The following NXN variants were observed in gnomAD, a reference collection of about 807,000 sequenced individuals.
The protein encoded by NXN is nucleoredoxin 1.
Under a neutral mutation model 48.6 loss-of-function variants are expected in NXN, and 16 were observed. The observed-to-expected ratio is 0.33, with a 90% confidence interval of 0.22 to 0.50. The LOEUF (loss-of-function observed/expected upper bound fraction) is 0.50. Ranked by LOEUF, NXN falls within the 20% of genes least tolerant of loss-of-function variation. NXN has a pLI of 0.98. For missense variants in NXN, 492 were observed against 605.5 expected (o/e 0.81, Z 1.97); for synonymous variants, 281 against 269.6 (o/e 1.04, Z -0.41).
At chr17:915,133 A>G (rs1209271229) in intron 1 of NXN, among the ~76,000 whole-genome samples, 1 of 151,994 alleles carries the variant, frequency 6.6e-6, no homozygotes, top group Non-Finnish European at 1.5e-5. Flanking sequence ...ATGGGGTTTC[A>G]CCATATTGGC....
intron 1 of NXN, among the ~76,000 whole-genome samples, chr17:904,996 C>T (rs527980340): frequency 2.4e-4 from 36 of 152,290 alleles, no homozygotes; most frequent in African/African-American, 7.7e-4. Flanking sequence ...AGCGTGTGTG[C>T]CACATTCACA....
chr17:854,071 T>G (rs62068397), intron 1 of NXN, among the ~76,000 whole-genome samples: 3 of 152,066 alleles, frequency 2.0e-5, no homozygotes, highest in Admixed American at 6.6e-5. Flanking sequence ...GTCCCCCCAC[T>G]GGACTACAAA....
chr17:812,780 G>A (rs780715358), intron 5 of NXN, among the ~76,000 whole-genome samples: 4 of 131,776 alleles, frequency 3.0e-5, no homozygotes, highest in Non-Finnish European at 5.3e-5. Context: ...GTAGGTGTGT[G>A]CATGTGTGTA....
In NXN at chr17:822,136, G is replaced by A. The variant is rs188157344; in HGVS notation, c.713+221C>T. On this transcript the variant is annotated intron_variant, in intron 4 of 7. Coordinates refer to ENST00000336868, the MANE Select transcript of NXN (RefSeq NM_022463.5). ...TCCACTAAAAATACAAAAATTAGCC[G>A]GGCATGGTGGCGGGCACCTGTAATT... Among the ~76,000 whole-genome samples the A allele has an allele frequency of 2.8e-3, 425 of 151,926 alleles. 2 individuals carry two copies. Among genetic ancestry groups the A allele is most frequent in the Middle Eastern group, 6.8e-3 (2 of 294 alleles).
intron 1 of NXN, among the ~76,000 whole-genome samples, chr17:921,318 T>C (rs540552380): frequency 6.6e-6 from 1 of 152,196 alleles, no homozygotes; most frequent in South Asian, 2.1e-4. Flanking sequence ...AGCCTCCTCC[T>C]ACCCCGGCTC....
chr17:812,810 AGGT>A (rs1290380170), intron 5 of NXN, among the ~76,000 whole-genome samples: 6 of 123,852 alleles, frequency 4.8e-5, no homozygotes, highest in Admixed American at 3.1e-4. Context: ...GCGTGAGTGT[AGGT>A]GTGTGTGCGA....
chr17:941,943 C>T lies in NXN; in HGVS notation c.360+37376G>A, dbSNP rs1331510312. The stretch of plus-strand genomic sequence containing the variant: ...CCTGGATTTACAGCGAACAAGATTC[C>T]AGGGTGCAGCCATGAATTCACCAAA... On this transcript the variant is annotated intron_variant, in intron 1 of 7. Transcript: ENST00000336868. 2.4e-4 allele frequency among the ~76,000 whole-genome samples: 13 copies of T among 53,214 alleles called. 4 individuals carry two copies. Among genetic ancestry groups the T allele is most frequent in the African/African-American group, 3.6e-4 (4 of 11,256 alleles). The allele number at this position is 53,214 out of a possible 152,430, so 34.9% of individuals were successfully genotyped here.
At chr17:865,966 G>A (rs562529094) in intron 1 of NXN, among the ~76,000 whole-genome samples, 88 of 151,988 alleles carry the variant, frequency 5.8e-4, no homozygotes, top group Non-Finnish European at 1.0e-3. Context: ...CTGGGCGACA[G>A]AGCAAGACTC....
At chr17:902,457 G>A (rs2068546411) in intron 1 of NXN, among the ~76,000 whole-genome samples, 1 of 152,152 alleles carries the variant, frequency 6.6e-6, no homozygotes, top group Non-Finnish European at 1.5e-5. Context: ...GAAGGCAGTG[G>A]AGAGAAAAAG....
intron 1 of NXN, among the ~76,000 whole-genome samples, chr17:887,264 G>A (rs1245307865): frequency 6.6e-6 from 1 of 152,126 alleles, no homozygotes; most frequent in East Asian, 1.9e-4. Context: ...CTAGCTGACC[G>A]GCCAGTCCTC....
In NXN at chr17:958,639, C is replaced by T. The variant is rs972695925; in HGVS notation, c.360+20680G>A. On this transcript the variant is annotated intron_variant, in intron 1 of 7. Transcript: ENST00000336868. The surrounding 1 kb of genome is among the most constrained non-coding windows in gnomAD (Gnocchi z 6.9). ...TACAAAAATTAGCCAGGCGTGGTGG[C>T]GTGCGCCTGTAGTCCCAGCTACTCA... 4.6e-5 allele frequency among the ~76,000 whole-genome samples: 7 copies of T among 152,148 alleles called. No homozygotes were observed. Among genetic ancestry groups the T allele is most frequent in the African/African-American group, 1.4e-4 (6 of 41,492 alleles).
chr17:823,955 G>C (rs996258107), intron 2 of NXN, among the ~76,000 whole-genome samples, 190 bp from the exon 3 acceptor site: 1 of 151,716 alleles, frequency 6.6e-6, no homozygotes, highest in African/African-American at 2.4e-5. Flanking sequence ...GCTAACACAG[G>C]AATCAAACTA....
chr17:819,234 C>T (rs958129174), intron 5 of NXN: 10 of 583,500 alleles, frequency 1.7e-5, no homozygotes, highest in Non-Finnish European at 3.1e-5. Flanking sequence ...GTGTGAGCTG[C>T]CATGCCCGGC....
intron 1 of NXN, among the ~76,000 whole-genome samples, chr17:835,765 G>A (rs1282621409): frequency 4.0e-4 from 27 of 67,550 alleles, no homozygotes; most frequent in African/African-American, 1.5e-3. Context: ...CACAGAGGCC[G>A]CAGGGGAAAA....
chr17:815,917 C>T (rs946895211), intron 5 of NXN, among the ~76,000 whole-genome samples: 12 of 152,144 alleles, frequency 7.9e-5, no homozygotes, highest in African/African-American at 2.2e-4. Context: ...TGAATGTGAC[C>T]GGCGGGCCTT....
At chr17:926,254 A>G (rs1482403144) in intron 1 of NXN, among the ~76,000 whole-genome samples, 1 of 152,038 alleles carries the variant, frequency 6.6e-6, no homozygotes, top group Non-Finnish European at 1.5e-5. Flanking sequence ...GGCACCGTCA[A>G]TGGCTCACTG....
At chr17:959,322 C>G (rs1169480372) in intron 1 of NXN, 1 of 267,780 alleles carries the variant, frequency 3.7e-6, no homozygotes, top group African/African-American at 2.2e-5. Flanking sequence ...CCCTCCCAGG[C>G]CCGCGACACT....
intron 5 of NXN, among the ~76,000 whole-genome samples, chr17:811,598 T>A (rs1461033237): frequency 6.6e-6 from 1 of 151,880 alleles, no homozygotes; most frequent in African/African-American, 2.4e-5. Flanking sequence ...GTGAGCCCAG[T>A]GGTCCTGTGG....
At chr17:843,822 C>A (rs1317121373) in intron 1 of NXN, among the ~76,000 whole-genome samples, 5 of 152,164 alleles carry the variant, frequency 3.3e-5, no homozygotes, top group African/African-American at 7.2e-5. Context: ...GGGAGATGGG[C>A]CATCACACGG....
Sources: gnomAD v4.1 joint callset for allele counts (sites outside exome capture counted in the v4.1 genomes callset) on GRCh38, gnomAD v4.1.1 for gene constraint, Gnocchi (gnomAD v3.1) non-coding constraint, MANE v1.5 for transcripts, NCBI Gene and HGNC (gene_info 2026-07-23, HGNC 2026-07-21) for gene names.